CRHR2: variants seen among roughly 807,000 people sequenced by gnomAD.
CRHR2 encodes corticotropin releasing hormone receptor 2, also known as corticotropin-releasing hormone receptor 2.
A neutral mutation model predicts 57.9 loss-of-function variants in CRHR2; 53 were observed. The observed-to-expected ratio is 0.92, with a 90% CI of 0.73 to 1.15. The LOEUF (loss-of-function observed/expected upper bound fraction) is 1.15, where lower values mean the gene tolerates loss of function less well. CRHR2 is among the 50% of genes most tolerant of loss of function. The pLI, the probability that CRHR2 is intolerant of heterozygous loss-of-function variation, is 0.00. For synonymous variants in CRHR2, 213 were observed against 220.9 expected (o/e 0.96, Z 0.32); for missense variants, 532 against 542.6 (o/e 0.98, Z 0.19).
At chr7:30,658,861 T>C (rs918035915) in intron 8 of CRHR2, among the ~76,000 whole-genome samples, 6 of 152,232 alleles carry the variant, frequency 3.9e-5, no homozygotes, top group African/African-American at 1.4e-4. Context: ...TGAGTGTCTC[T>C]TAGCAGCAGA....
Position 30,653,699 on chromosome 7 carries a change from A to G in CRHR2, c.1096-99T>C. ...TTTCTGCTCTCATGGGTCGACTGCCACCCTCATGACAAGGAACTGTCTGCT... is the reference window on the plus strand; with the variant it reads ...TTTCTGCTCTCATGGGTCGACTGCCGCCCTCATGACAAGGAACTGTCTGCT... On this transcript the variant is annotated intron_variant, in intron 11 of 11. Coordinates refer to ENST00000471646, the MANE Select transcript of CRHR2 (RefSeq NM_001883.5). This position sits in a 1 kb window ranked among gnomAD's most constrained non-coding sequence, Gnocchi z 5.0. 7.2e-7 allele frequency: 1 copy of G among 1,392,088 alleles called. No individual in the cohort carries two copies. The highest frequency in any genetic ancestry group is 9.5e-7 in the Non-Finnish European group (1 of 1,051,368). 86.2% of individuals were successfully genotyped at this position (1,392,088 alleles called of 1,614,324 possible).
At chr7:30,669,974 G>A (rs569788321) in intron 2 of CRHR2, among the ~76,000 whole-genome samples, 13 of 152,072 alleles carry the variant, frequency 8.5e-5, no homozygotes, top group East Asian at 1.9e-4. Context: ...CTCAAATGCC[G>A]CCTCCTGCAT....
rs1230510470 is a variant in CRHR2, at chr7:30,656,297, C to G, written c.832-285G>C. 6.6e-6 allele frequency among the ~76,000 whole-genome samples: 1 copy of G among 152,094 alleles called. No homozygotes were observed. The highest frequency in any genetic ancestry group is 2.4e-5 in the African/African-American group (1 of 41,402). Reference sequence around the variant, plus strand: ...TGACCGAGAGCACGGGGCATGCCCTCTGAGGCTGAGAAAGCCCCCAACCCT... The same window carrying G: ...TGACCGAGAGCACGGGGCATGCCCTGTGAGGCTGAGAAAGCCCCCAACCCT... On this transcript the variant is annotated intron_variant, in intron 8 of 11. Transcript: ENST00000471646. The surrounding 1 kb of genome is among the most constrained non-coding windows in gnomAD (Gnocchi z 4.4).
In CRHR2 at chr7:30,655,574, C is replaced by T. The variant is rs1783750087; in HGVS notation, c.1053+6G>A. ...TGTGGGGCCCCCATCTGGTCACAGG[C>T]CCCACCTGGAACGACTGCAGGAAGG... On this transcript the variant is annotated splice_donor_region_variant and intron_variant, in intron 10 of 11. Coordinates refer to ENST00000471646, the MANE Select transcript of CRHR2 (RefSeq NM_001883.5). 6.2e-7 allele frequency: 1 copy of T among 1,609,174 alleles called. No homozygotes were observed. The highest frequency in any genetic ancestry group is 8.5e-7 in the Non-Finnish European group (1 of 1,177,334).
At position 30,665,416 on chromosome 7, in the gene CRHR2, A is replaced by T; in HGVS notation, c.425+114T>A. On this transcript the variant is annotated intron_variant, in intron 4 of 11. Coordinates refer to ENST00000471646, the MANE Select transcript of CRHR2 (RefSeq NM_001883.5). This position sits in a 1 kb window ranked among gnomAD's most constrained non-coding sequence, Gnocchi z 4.5. The stretch of plus-strand genomic sequence containing the variant: ...ACCCCACCCAAACCCCACTTTCTCC[A>T]CGGGCCCTTTTATCTGCTGGGCCCC... 1.0e-6 allele frequency: 1 copy of T among 986,550 alleles called. No homozygotes were observed. The highest frequency in any genetic ancestry group is 1.5e-6 in the Non-Finnish European group (1 of 655,210). The allele number at this position is 986,550 out of a possible 1,614,324, so 61.1% of individuals were successfully genotyped here. A position where few individuals can be genotyped will look rare whatever the true frequency, so the allele number is the denominator to read the frequency against.
intron 2 of CRHR2, among the ~76,000 whole-genome samples, chr7:30,676,571 G>A (rs1784523683): frequency 1.3e-5 from 2 of 152,252 alleles, no homozygotes; most frequent in Non-Finnish European, 2.9e-5. Context: ...ACTCCCTCCA[G>A]AAAGCCTCCC....
chr7:30,674,466 C>T (rs1784455098), intron 2 of CRHR2, among the ~76,000 whole-genome samples: 1 of 152,244 alleles, frequency 6.6e-6, no homozygotes, highest in Non-Finnish European at 1.5e-5. Context: ...TAGAACTCAT[C>T]AAGCCCTCCA....
At chr7:30,677,636 GC>G (rs1431381089) in intron 2 of CRHR2, among the ~76,000 whole-genome samples, 3 of 152,198 alleles carry the variant, frequency 2.0e-5, no homozygotes, top group African/African-American at 7.2e-5. Context: ...ATCCCTTGTA[GC>G]CAGAGCTTTG....
chr7:30,665,184 G>T lies in CRHR2; in HGVS notation c.429C>A (p.Ser143Arg). ...AAFLLFLALR[S>R]IRCLRNVIHW... Reference sequence around the variant, plus strand: ...GAATCACATTCCGCAGACAGCGAATGCTCCTGTGGGAGGTGCAGGTCAGGG... The same window carrying T: ...GAATCACATTCCGCAGACAGCGAATTCTCCTGTGGGAGGTGCAGGTCAGGG... Residue 143 changes from serine (S) to arginine (R), a missense_variant, in exon 5 of 12, where the codon AGC becomes AGA. Transcript: ENST00000471646. The surrounding 1 kb of genome is among the most constrained non-coding windows in gnomAD (Gnocchi z 4.5). 6.2e-7 allele frequency: 1 copy of T among 1,613,780 alleles called. No individual in the cohort carries two copies. Among genetic ancestry groups the T allele is most frequent in the Non-Finnish European group, 8.5e-7 (1 of 1,179,704 alleles).
At chr7:30,681,308 C>T (rs1422717611) in intron 2 of CRHR2, among the ~76,000 whole-genome samples, 1 of 152,206 alleles carries the variant, frequency 6.6e-6, no homozygotes, top group Non-Finnish European at 1.5e-5. Context: ...CTGCCCACAG[C>T]CCCTGACTCA....
chr7:30,655,453 C>T, intron 10 of CRHR2, 127 bp downstream of exon 10: 1 of 1,232,080 alleles, frequency 8.1e-7, no homozygotes, highest in Non-Finnish European at 1.1e-6. Context: ...GTACGGGCTT[C>T]TAACTCTGTG....
At position 30,682,336 on chromosome 7, in the gene CRHR2, C is replaced by T; in HGVS notation, c.-56G>A. The T allele has an allele frequency of 2.0e-6, 3 of 1,478,878 alleles. No individual in the cohort carries two copies. Among genetic ancestry groups the T allele is most frequent in the Non-Finnish European group, 1.8e-6 (2 of 1,117,682 alleles). 91.6% of individuals were successfully genotyped at this position (1,478,878 alleles called of 1,614,324 possible). On this transcript the variant is annotated 5_prime_UTR_variant, in exon 1 of 12. Coordinates refer to ENST00000471646, the MANE Select transcript of CRHR2 (RefSeq NM_001883.5). ...TGGGAGTGCGCGCCCGGCGTGACTG[C>T]GAGGGAGTGGACGCGAGAGTGAGCG...
intron 5 of CRHR2, among the ~76,000 whole-genome samples, chr7:30,663,429 G>A (rs978543796): frequency 2.0e-5 from 3 of 152,132 alleles, no homozygotes; most frequent in East Asian, 3.9e-4. Flanking sequence ...CACGGCCCCC[G>A]GCAAGTCACT....
rs60568949 is a variant in CRHR2, at chr7:30,680,818, T to TTGTGTGTGTGTG, written c.229+1085_229+1096dup. Among the ~76,000 whole-genome samples, 384 of 145,478 alleles carry TTGTGTGTGTGTG rather than the reference T, an allele frequency of 2.6e-3. 3 individuals carry two copies. Among genetic ancestry groups the TTGTGTGTGTGTG allele is most frequent in the Middle Eastern group, 0.01 (3 of 288 alleles). ...GCCCTCAGCCTCAGCTTCTGAAAGC[T>TTGTGTGTGTGTG]TGTGTGTGTGTGTGTGTGTGTGTGT... On this transcript the variant is annotated intron_variant, in intron 2 of 11. Coordinates refer to ENST00000471646, the MANE Select transcript of CRHR2 (RefSeq NM_001883.5).
At chr7:30,668,145 T>C (rs963295918) in intron 2 of CRHR2, among the ~76,000 whole-genome samples, 1 of 152,238 alleles carries the variant, frequency 6.6e-6, no homozygotes, top group African/African-American at 2.4e-5. Context: ...AGCAGCAATG[T>C]CCTGTGCACA....
At chr7:30,659,697 A>T (rs1396246343) in intron 8 of CRHR2, among the ~76,000 whole-genome samples, 1 of 152,224 alleles carries the variant, frequency 6.6e-6, no homozygotes, top group African/African-American at 2.4e-5. Context: ...AAGTCACAGA[A>T]AAAGGAGAGT....
chr7:30,652,172 G>A lies in CRHR2; in HGVS notation c.*1288C>T, dbSNP rs1783614824. The A allele has an allele frequency of 6.6e-6, 1 of 152,184 alleles. No homozygotes were observed. Among genetic ancestry groups the A allele is most frequent in the African/African-American group, 2.4e-5 (1 of 41,424 alleles). 9.4% of individuals were successfully genotyped at this position (152,184 alleles called of 1,614,324 possible). ...ATGCTTCTCTCTCCCTGACTCCTGCGGCTCCGCTGCAGGGACACAGGGACG... is the reference window on the plus strand; with the variant it reads ...ATGCTTCTCTCTCCCTGACTCCTGCAGCTCCGCTGCAGGGACACAGGGACG... On this transcript the variant is annotated 3_prime_UTR_variant, in exon 12 of 12. Transcript: ENST00000471646. This position sits in a 1 kb window ranked among gnomAD's most constrained non-coding sequence, Gnocchi z 4.4.
chr7:30,678,383 G>A (rs1431079323), intron 2 of CRHR2, among the ~76,000 whole-genome samples: 1 of 152,202 alleles, frequency 6.6e-6, no homozygotes, highest in Admixed American at 6.5e-5. Flanking sequence ...ACAAACATGT[G>A]GAAGCTCAGC....
rs917764830 is a variant in CRHR2, at chr7:30,682,298, T to C, written c.-18A>G. 6.5e-6 allele frequency: 10 copies of C among 1,548,450 alleles called. No homozygotes were observed. Among genetic ancestry groups the C allele is most frequent in the Non-Finnish European group, 8.7e-6 (10 of 1,154,764 alleles). On this transcript the variant is annotated 5_prime_UTR_variant, in exon 1 of 12. Transcript: ENST00000471646. ...GCGTCCATCGCGTCCCGCAGCCGCGTGCGGAGAGGGAGTGGGAGTGCGCGC... is the reference window on the plus strand; with the variant it reads ...GCGTCCATCGCGTCCCGCAGCCGCGCGCGGAGAGGGAGTGGGAGTGCGCGC...
Sources: allele counts gnomAD v4.1 joint callset (sites outside exome capture counted in the v4.1 genomes callset), GRCh38; gene constraint gnomAD v4.1.1; non-coding constraint Gnocchi (gnomAD v3.1); transcripts MANE v1.5; gene names NCBI Gene and HGNC (gene_info 2026-07-23, HGNC 2026-07-21).